The following RIMS1 variants were observed in gnomAD, a reference collection of about 807,000 sequenced individuals.
The protein encoded by RIMS1 is regulating synaptic membrane exocytosis protein 1.
RIMS1 carries 83 observed loss-of-function variants against 214.1 expected under a neutral mutation model. That is an observed-to-expected ratio of 0.39 (90% CI 0.32 to 0.47). RIMS1 has a LOEUF of 0.47. Among genes scored for constraint, RIMS1 ranks in the 20% least tolerant of loss-of-function variants. The pLI is 0.99. For missense variants in RIMS1, 2,050 were observed against 2,161.8 expected (o/e 0.95, Z 1.03); for synonymous variants, 793 against 786.8 (o/e 1.01, Z -0.13).
chr6:72,149,616 T>A (rs973876424), intron 4 of RIMS1, among the ~76,000 whole-genome samples: 18 of 152,182 alleles, frequency 1.2e-4, no homozygotes, highest in Admixed American at 5.9e-4. Flanking sequence ...GGAGGTACAG[T>A]GCTTATCTGC....
In RIMS1 at chr6:71,888,460, A is replaced by G. The variant is rs138399627; in HGVS notation, c.164+1273A>G. Among the ~76,000 whole-genome samples, 548 of 152,302 alleles carry G rather than the reference A, an allele frequency of 3.6e-3. 2 individuals are homozygous for G. Among genetic ancestry groups the G allele is most frequent in the African/African-American group, 0.011 (459 of 41,564 alleles). The stretch of plus-strand genomic sequence containing the variant: ...GAGGGAGCAGGGGTGAAACCCAGAC[A>G]CAGAGCACATTCTGCATGGCCTCTC... On this transcript the variant is annotated intron_variant, in intron 1 of 33. Coordinates refer to ENST00000521978, the MANE Select transcript of RIMS1 (RefSeq NM_014989.7).
chr6:72,215,580 G>C (rs2055550979), intron 6 of RIMS1, among the ~76,000 whole-genome samples: 1 of 152,150 alleles, frequency 6.6e-6, no homozygotes, highest in South Asian at 2.1e-4. Context: ...ATGCCTATGA[G>C]AAATAAATTA....
chr6:72,030,619 TATA>T (rs1267928467), intron 2 of RIMS1, among the ~76,000 whole-genome samples: 2 of 152,146 alleles, frequency 1.3e-5, no homozygotes, highest in East Asian at 1.9e-4. Context: ...TTTTAATTAT[TATA>T]ATAAACTTGA....
At chr6:72,018,897 C>A (rs1019098246) in intron 2 of RIMS1, among the ~76,000 whole-genome samples, 28 of 152,240 alleles carry the variant, frequency 1.8e-4, no homozygotes, top group East Asian at 3.9e-4. Flanking sequence ...TAGTGCTCAA[C>A]ATTTTAATAG....
At position 72,122,593 on chromosome 6, in the gene RIMS1, A is replaced by G. The variant is rs1055550026; in HGVS notation, c.471+22607A>G. The stretch of plus-strand genomic sequence containing the variant: ...TGCCTCTGGTGGAATTTGGCTGTGA[A>G]TTTGTCTGGTCCTGGACTTTTTTTG... On this transcript the variant is annotated intron_variant, in intron 4 of 33. Coordinates refer to ENST00000521978, the MANE Select transcript of RIMS1 (RefSeq NM_014989.7). Among the ~76,000 whole-genome samples, 4 of 151,702 alleles carry G rather than the reference A, an allele frequency of 2.6e-5. 1 individual carries two copies. Among genetic ancestry groups the G allele is most frequent in the Non-Finnish European group, 2.9e-5 (2 of 67,806 alleles).
chr6:72,304,161 A>G (rs191397855), intron 26 of RIMS1, among the ~76,000 whole-genome samples: 1 of 151,812 alleles, frequency 6.6e-6, no homozygotes, highest in African/African-American at 2.4e-5. Context: ...AGAAATAGCA[A>G]CTGGCATTTT....
chr6:72,310,426 A>G (rs1434471926), intron 27 of RIMS1, among the ~76,000 whole-genome samples: 1 of 151,980 alleles, frequency 6.6e-6, no homozygotes, highest in Non-Finnish European at 1.5e-5. Context: ...GGTGGTATAC[A>G]GAGTGGCATA....
At chr6:72,387,476 G>A (rs2154433146) in intron 29 of RIMS1, among the ~76,000 whole-genome samples, 1 of 152,312 alleles carries the variant, frequency 6.6e-6, no homozygotes, top group East Asian at 1.9e-4. Flanking sequence ...GTGGCCATGA[G>A]TGGCCACTGC....
intron 4 of RIMS1, among the ~76,000 whole-genome samples, chr6:72,116,218 A>G (rs2037041836): frequency 6.6e-6 from 1 of 151,994 alleles, no homozygotes; most frequent in African/African-American, 2.4e-5. Context: ...AAAAATAGGC[A>G]GTACCCAACA....
chr6:71,901,658 C>A (rs1251133848), intron 1 of RIMS1, among the ~76,000 whole-genome samples: 1 of 151,980 alleles, frequency 6.6e-6, no homozygotes, highest in African/African-American at 2.4e-5. Context: ...AGGTGACTTT[C>A]TGGAGGGTTG....
rs2098810893 is a variant in RIMS1, at chr6:72,399,059, G to C, written c.4825G>C (p.Val1609Leu). The C allele has an allele frequency of 6.2e-7, 1 of 1,608,508 alleles. No individual in the cohort carries two copies. The highest frequency in any genetic ancestry group is 8.5e-7 in the Non-Finnish European group (1 of 1,176,938). ...TGATCCTTTGTATCAGCAGTCTCTG[G>C]TTTTTGATGAAAGTCCACAGGGTAA... ...TLDPLYQQSL[V>L]FDESPQGKVL... The change falls in exon 33 of 34, where the codon GTT (valine) becomes CTT (leucine). Residue 1609 changes from valine (V) to leucine (L), a missense_variant. Physicochemically the swap from Val to Leu is conservative, Grantham distance 32. Transcript: ENST00000521978.
intron 2 of RIMS1, among the ~76,000 whole-genome samples, chr6:72,083,928 C>A (rs530016837): frequency 6.6e-6 from 1 of 152,256 alleles, no homozygotes; most frequent in South Asian, 2.1e-4. Flanking sequence ...TTAATTCCTT[C>A]CAAAAAGTGT....
At chr6:72,172,053 T>TA (rs952784948) in intron 4 of RIMS1, among the ~76,000 whole-genome samples, 7 of 151,884 alleles carry the variant, frequency 4.6e-5, no homozygotes, top group African/African-American at 1.2e-4. Context: ...ACAAAATTAA[T>TA]AAAAAAACTA....
intron 19 of RIMS1, chr6:72,261,847 C>T (rs898198397): frequency 1.0e-6 from 1 of 984,830 alleles, no homozygotes; most frequent in Non-Finnish European, 1.2e-6. Flanking sequence ...AGGAAAAAAT[C>T]GAGGAAATAT....
intron 2 of RIMS1, among the ~76,000 whole-genome samples, chr6:72,058,638 G>A (rs918878259): frequency 6.6e-6 from 1 of 152,138 alleles, no homozygotes; most frequent in Non-Finnish European, 1.5e-5. Context: ...TCTCTCCTAG[G>A]TTCTGGTTCC....
chr6:72,254,213 T>G (rs1478723031), intron 16 of RIMS1, among the ~76,000 whole-genome samples: 1 of 152,134 alleles, frequency 6.6e-6, no homozygotes, highest in Non-Finnish European at 1.5e-5. Context: ...ATTGTTAAAT[T>G]TATTATTATA....
intron 29 of RIMS1, among the ~76,000 whole-genome samples, chr6:72,383,608 T>TAAA (rs1170633297): frequency 2.3e-4 from 20 of 85,888 alleles, no homozygotes; most frequent in African/African-American, 4.6e-4. Context: ...ACCCCATCTC[T>TAAA]AAAAAAAAAA....
intron 1 of RIMS1, among the ~76,000 whole-genome samples, chr6:71,935,461 T>G (rs768930790): frequency 1.7e-4 from 26 of 152,224 alleles, no homozygotes; most frequent in Non-Finnish European, 3.1e-4. Flanking sequence ...AACAAAAAAT[T>G]TATAATCACA....
intron 4 of RIMS1, among the ~76,000 whole-genome samples, chr6:72,106,158 T>C (rs1203222448): frequency 6.6e-6 from 1 of 152,192 alleles, no homozygotes; most frequent in Non-Finnish European, 1.5e-5. Context: ...TTTTTTCATA[T>C]GTAAACTTCA....
Sources: gnomAD v4.1 joint callset for allele counts (sites outside exome capture counted in the v4.1 genomes callset) on GRCh38, gnomAD v4.1.1 for gene constraint, MANE v1.5 for transcripts, NCBI Gene and HGNC (gene_info 2026-07-23, HGNC 2026-07-21) for gene names.